Variants in S100Z observed in about 807,000 individuals in gnomAD.
S100Z encodes S100 calcium binding protein Z.
A neutral mutation model predicts 8.5 loss-of-function variants in S100Z; 11 were observed. That is an observed-to-expected ratio of 1.30 (90% confidence interval 0.82 to 2.15). S100Z has a LOEUF of 2.15. Ranked by LOEUF, S100Z falls within the 30% of genes most tolerant of loss-of-function variation. The pLI, the probability that S100Z is intolerant of heterozygous loss-of-function variation, is 0.00. For missense variants in S100Z, 126 were observed against 117.9 expected (o/e 1.07, Z -0.32); for synonymous variants, 34 against 43.8 (o/e 0.78, Z 0.89).
At chr5:76,936,240 A>C in the S100Z span, among the ~76,000 whole-genome samples, 1 of 152,252 alleles carries the variant, frequency 6.6e-6, no homozygotes, top group South Asian at 2.1e-4. Flanking sequence ...AAGTATATTT[A>C]ATGATATAAA....
the S100Z span, among the ~76,000 whole-genome samples, chr5:76,927,199 G>A: frequency 1.3e-5 from 2 of 152,148 alleles, no homozygotes; most frequent in African/African-American, 2.4e-5. Flanking sequence ...AATACCTCAG[G>A]TCCTTTCTGT....
At chr5:76,916,804 A>G (rs533876308) in intron 4 of S100Z, among the ~76,000 whole-genome samples, 12 of 152,348 alleles carry the variant, frequency 7.9e-5, no homozygotes, top group African/African-American at 2.6e-4. Context: ...AGGCAAAGTT[A>G]TAGCATGAAA....
chr5:76,902,800 T>C (rs1354328372), intron 4 of S100Z, among the ~76,000 whole-genome samples: 1 of 152,196 alleles, frequency 6.6e-6, no homozygotes, highest in Non-Finnish European at 1.5e-5. Context: ...AGACTTACTA[T>C]CTTGAGGAAT....
chr5:76,876,564 T>C (rs916363320), intron 3 of S100Z, among the ~76,000 whole-genome samples: 4 of 152,018 alleles, frequency 2.6e-5, no homozygotes, highest in Non-Finnish European at 4.4e-5. Context: ...AGAGACAGAG[T>C]GTCACTATGT....
the S100Z span, among the ~76,000 whole-genome samples, chr5:76,947,929 A>G: frequency 6.6e-6 from 1 of 152,214 alleles, no homozygotes; most frequent in African/African-American, 2.4e-5. Context: ...AAACAGGAAA[A>G]AGCATCATGA....
chr5:76,892,154 A>C (rs1743884346), intron 4 of S100Z, among the ~76,000 whole-genome samples: 1 of 152,228 alleles, frequency 6.6e-6, no homozygotes, highest in African/African-American at 2.4e-5. Flanking sequence ...TGAAGTGCTC[A>C]ATAGGTGGTA....
intron 4 of S100Z, among the ~76,000 whole-genome samples, chr5:76,882,730 G>A (rs535007322): frequency 1.3e-5 from 2 of 152,332 alleles, no homozygotes; most frequent in African/African-American, 4.8e-5. Context: ...TGAAGTAATG[G>A]GGGCTGTCCG....
At chr5:76,911,054 G>A (rs1744638875) in intron 4 of S100Z, among the ~76,000 whole-genome samples, 1 of 152,192 alleles carries the variant, frequency 6.6e-6, no homozygotes, top group South Asian at 2.1e-4. Flanking sequence ...TCTACTTGAG[G>A]AGGGAATCAA....
chr5:76,897,296 G>C (rs540249167), intron 4 of S100Z, among the ~76,000 whole-genome samples: 1 of 152,028 alleles, frequency 6.6e-6, no homozygotes, highest in South Asian at 2.1e-4. Flanking sequence ...CAAAAAATTA[G>C]CCAGGTGTGG....
intron 4 of S100Z, among the ~76,000 whole-genome samples, chr5:76,896,192 C>A (rs77322113): frequency 0.048 from 7,320 of 152,212 alleles, 305 homozygotes; most frequent in East Asian, 0.21. Context: ...CCCCTGCTAC[C>A]CTTCCCAGTC....
intron 4 of S100Z, among the ~76,000 whole-genome samples, chr5:76,909,341 G>A (rs762730769): frequency 1.9e-4 from 29 of 152,170 alleles, no homozygotes; most frequent in Non-Finnish European, 3.8e-4. Context: ...TCCACACTAC[G>A]GCCTGGCCCC....
intron 4 of S100Z, among the ~76,000 whole-genome samples, chr5:76,904,521 T>TA (rs1418275610): frequency 6.6e-6 from 1 of 152,194 alleles, no homozygotes; most frequent in Non-Finnish European, 1.5e-5. Context: ...CCTCATGAGA[T>TA]AAAATCAAGA....
At chr5:76,935,468 T>C in the S100Z span, among the ~76,000 whole-genome samples, 25 of 152,322 alleles carry the variant, frequency 1.6e-4, no homozygotes, top group African/African-American at 5.5e-4. Context: ...ATCCACCATC[T>C]TAGCATCATA....
At chr5:76,944,705 C>A in the S100Z span, among the ~76,000 whole-genome samples, 1 of 152,170 alleles carries the variant, frequency 6.6e-6, no homozygotes, top group African/African-American at 2.4e-5. Context: ...AGCTGGCAGA[C>A]TTTTCTCTTT....
At chr5:76,888,655 C>CTT (rs1561238140) in intron 4 of S100Z, among the ~76,000 whole-genome samples, 20 of 152,034 alleles carry the variant, frequency 1.3e-4, no homozygotes, top group African/African-American at 4.3e-4. Context: ...GGATTACAGG[C>CTT]GTGAGCCACC....
intron 1 of S100Z, among the ~76,000 whole-genome samples, chr5:76,859,780 A>AAAAG (rs1489296836): frequency 0.011 from 1,607 of 150,960 alleles, 43 homozygotes; most frequent in African/African-American, 0.037. Context: ...AAAAAAAAAA[A>AAAAG]AAAAAGAAAT....
chr5:76,920,218 T>C (rs550385712), intron 4 of S100Z, among the ~76,000 whole-genome samples: 2 of 152,254 alleles, frequency 1.3e-5, no homozygotes, highest in East Asian at 1.9e-4. Flanking sequence ...TCAGCCTTCA[T>C]TTTTTAAATT....
In S100Z at chr5:76,891,018, C is replaced by T. The variant is rs186320470; in HGVS notation, c.*2+13184C>T. ...CTGGGATTACAGGCATGCACCACCA[C>T]GCCTGGCTAATTTTTGTATTTTTAG... On this transcript the variant is annotated intron_variant, in intron 4 of 4. Transcript: ENST00000317593. Among the ~76,000 whole-genome samples the T allele has an allele frequency of 7.3e-3, 1,113 of 152,180 alleles. 11 individuals carry two copies. The highest frequency in any genetic ancestry group is 0.025 in the African/African-American group (1,019 of 41,528).
intron 4 of S100Z, among the ~76,000 whole-genome samples, chr5:76,901,479 A>G (rs1047013568): frequency 6.6e-6 from 1 of 152,238 alleles, no homozygotes; most frequent in Admixed American, 6.5e-5. Context: ...TTCCAAAGGC[A>G]GAGGAGCCTC....
Sources: gnomAD v4.1 joint callset for allele counts (sites outside exome capture counted in the v4.1 genomes callset) on GRCh38, gnomAD v4.1.1 for gene constraint, MANE v1.5 for transcripts, NCBI Gene and HGNC (gene_info 2026-07-23, HGNC 2026-07-21) for gene names.